Variants in PCDHA13 observed in about 807,000 individuals in gnomAD.
PCDHA13 encodes protocadherin alpha 13, also known as protocadherin alpha-13.
A neutral mutation model predicts 64.8 loss-of-function variants in PCDHA13; 54 were observed. That is an observed-to-expected ratio of 0.83 (90% CI 0.67 to 1.04). The LOEUF is 1.04. Among genes scored for constraint, PCDHA13 ranks in the 50% least tolerant of loss-of-function variants. The pLI is 0.00. For missense variants in PCDHA13, 1,248 were observed against 1,254.3 expected, an observed-to-expected ratio of 0.99 and a Z score of 0.08; for synonymous variants, 587 against 564.4, an observed-to-expected ratio of 1.04 and a Z score of -0.57.
At chr5:140,911,474 C>T (rs782702993) in intron 1 of PCDHA13, among the ~76,000 whole-genome samples, 45 of 152,144 alleles carry the variant, frequency 3.0e-4, no homozygotes, top group Non-Finnish European at 2.8e-4. Flanking sequence ...ATAAGACTCT[C>T]ACTCAGGGCA....
chr5:140,989,085 C>T (rs1481898269), intron 3 of PCDHA13: 7 of 152,258 alleles, frequency 4.6e-5, no homozygotes, highest in Non-Finnish European at 7.4e-5. Context: ...CTCTGAAAAC[C>T]TTGTCAGGAG....
intron 1 of PCDHA13, chr5:140,928,165 C>G: frequency 6.2e-7 from 1 of 1,614,200 alleles, no homozygotes; most frequent in Non-Finnish European, 8.5e-7. Context: ...CTCACCCCCA[C>G]TTAGCACCCG....
rs1464673358 is a variant in PCDHA13 at position 140,894,228 on chromosome 5, A to T, written c.2394+9566A>T. 2.6e-5 allele frequency among the ~76,000 whole-genome samples: 4 copies of T among 152,088 alleles called. No homozygotes were observed. In the South Asian group the frequency reaches 8.3e-4, roughly 31 times the overall value. ...TTATATTCTCATTTTAAAGATGTTG[A>T]ATGACAATGTAATTTTCTTTTCTTT... is the stretch of plus-strand genomic sequence containing the variant. On this transcript the variant is annotated intron_variant, in intron 1 of 3. Transcript: ENST00000289272.
intron 3 of PCDHA13, among the ~76,000 whole-genome samples, chr5:141,003,860 G>T (rs1224171720): frequency 6.6e-6 from 1 of 152,136 alleles, no homozygotes; most frequent in African/African-American, 2.4e-5. Flanking sequence ...ATTTATATGT[G>T]TCTGAAATCC....
chr5:140,998,910 A>T (rs1346967203), intron 3 of PCDHA13, among the ~76,000 whole-genome samples: 1 of 152,230 alleles, frequency 6.6e-6, no homozygotes, highest in South Asian at 2.1e-4. Context: ...TCCGGGAGGT[A>T]GCTATTATAT....
At chr5:140,893,141 C>A (rs1412974583) in intron 1 of PCDHA13, among the ~76,000 whole-genome samples, 1 of 152,192 alleles carries the variant, frequency 6.6e-6, no homozygotes, top group African/African-American at 2.4e-5. Flanking sequence ...TTTATCCACT[C>A]ATCTGTTGAT....
chr5:140,887,291 T>G (rs2153419358), intron 1 of PCDHA13, among the ~76,000 whole-genome samples: 1 of 152,074 alleles, frequency 6.6e-6, no homozygotes, highest in South Asian at 2.1e-4. Flanking sequence ...AGAGATGGGG[T>G]TTCATCTTGT....
rs782009650 is a variant in PCDHA13 at position 140,883,598 on chromosome 5, G to T, written c.1330G>T (p.Gly444Trp). The T allele has an allele frequency of 1.2e-6, 2 of 1,614,008 alleles. No homozygotes were observed. Among genetic ancestry groups the T allele is most frequent in the Middle Eastern group, 1.7e-4 (1 of 6,054 alleles). Residue 444 changes from glycine (G) to tryptophan (W), a missense_variant, in exon 1 of 4, where the codon GGG becomes TGG. By Grantham distance (184) the Gly-to-Trp change is radical. Transcript: ENST00000289272. The stretch of plus-strand genomic sequence containing the variant: ...GTGGGCCACGGCCAGCGTGTCGGTG[G>T]GGGTGGCCGACGTGAACGACAACGC... The part of the protein sequence containing the change: ...SLWATASVSV[G>W]VADVNDNAPA...
At chr5:140,938,209 G>A (rs1210350140) in intron 1 of PCDHA13, among the ~76,000 whole-genome samples, 3 of 152,160 alleles carry the variant, frequency 2.0e-5, no homozygotes, top group Admixed American at 6.5e-5. Flanking sequence ...GCCTCCCAAA[G>A]TGCTGGGATT....
chr5:140,906,076 C>T (rs541119722), intron 1 of PCDHA13, among the ~76,000 whole-genome samples: 2 of 152,326 alleles, frequency 1.3e-5, no homozygotes, highest in African/African-American at 4.8e-5. Context: ...AGATCGCACC[C>T]ACCCAGACTG....
Position 141,009,608 on chromosome 5 carries a change from G to T in PCDHA13, c.2543-19G>T, listed in dbSNP as rs1350951999. On this transcript the variant is annotated intron_variant, in intron 3 of 3. Coordinates refer to ENST00000289272, the MANE Select transcript of PCDHA13 (RefSeq NM_018904.3). Reference sequence around the variant, plus strand: ...CATGTGTTGACCCTGTTAATGATTTGTAATGTTTTGTCTTTCAGAACCAGA... The same window carrying T: ...CATGTGTTGACCCTGTTAATGATTTTTAATGTTTTGTCTTTCAGAACCAGA... 1 of 1,610,774 alleles carries T rather than the reference G, an allele frequency of 6.2e-7. No individual in the cohort carries two copies. The highest frequency in any genetic ancestry group is 2.2e-5 in the East Asian group (1 of 44,832).
At chr5:140,917,370 C>T (rs571895312) in intron 1 of PCDHA13, among the ~76,000 whole-genome samples, 1 of 150,338 alleles carries the variant, frequency 6.7e-6, no homozygotes, top group Non-Finnish European at 1.5e-5. Context: ...CTATCTTGCT[C>T]CACCTCAATA....
intron 1 of PCDHA13, among the ~76,000 whole-genome samples, chr5:140,920,659 C>T (rs1325541731): frequency 1.3e-5 from 2 of 152,098 alleles, no homozygotes; most frequent in East Asian, 3.9e-4. Flanking sequence ...TCCTTGCCAA[C>T]ATGGTGAAAC....
chr5:140,931,314 A>G (rs782684940), intron 1 of PCDHA13, among the ~76,000 whole-genome samples: 3 of 152,176 alleles, frequency 2.0e-5, no homozygotes, highest in Non-Finnish European at 4.4e-5. Context: ...GGAGAATACC[A>G]GTAATGGCTG....
At chr5:140,986,899 C>G (rs2097217128) in intron 3 of PCDHA13, among the ~76,000 whole-genome samples, 1 of 152,072 alleles carries the variant, frequency 6.6e-6, no homozygotes, top group African/African-American at 2.4e-5. Flanking sequence ...AGGCCCTATC[C>G]TAGACTAATG....
At chr5:140,918,046 G>A (rs1159911161) in intron 1 of PCDHA13, among the ~76,000 whole-genome samples, 2 of 152,006 alleles carry the variant, frequency 1.3e-5, no homozygotes, top group African/African-American at 4.8e-5. Flanking sequence ...CTTTCCATTT[G>A]TTTTATCATC....
intron 1 of PCDHA13, 167 bp from the exon 2 acceptor site, chr5:140,978,782 A>T (rs782295456): frequency 3.1e-5 from 30 of 971,664 alleles, no homozygotes; most frequent in Non-Finnish European, 3.7e-5. Context: ...TTTTCTTCTA[A>T]AGTGCTATAT....
rs146492633 is a variant in PCDHA13 at position 140,900,696 on chromosome 5, G to A, written c.2394+16034G>A. Among the ~76,000 whole-genome samples the A allele has an allele frequency of 2.2e-4, 33 of 152,256 alleles. No homozygotes were observed. The East Asian group carries it at 5.8e-3, about 27-fold the overall frequency. ...TTATCTCTTCAATATACTGATTTCC[G>A]TTCTTTTGGAAAGAAAGGAAATCCT... is the stretch of plus-strand genomic sequence containing the variant. On this transcript the variant is annotated intron_variant, in intron 1 of 3. Transcript: ENST00000289272.
At chr5:140,937,070 C>G (rs1363778213) in intron 1 of PCDHA13, among the ~76,000 whole-genome samples, 2 of 147,796 alleles carry the variant, frequency 1.4e-5, no homozygotes, top group Admixed American at 1.4e-4. Context: ...CGGAGTCTCG[C>G]TCTGTCGCCC....
Sources: allele counts gnomAD v4.1 joint callset (sites outside exome capture counted in the v4.1 genomes callset), GRCh38; gene constraint gnomAD v4.1.1; transcripts MANE v1.5; gene names NCBI Gene and HGNC (gene_info 2026-07-23, HGNC 2026-07-21).